Variants in NAA11 observed in about 807,000 individuals in gnomAD.
NAA11 encodes N-alpha-acetyltransferase 11.
NAA11 carries 15 observed loss-of-function variants against 16.1 expected under a neutral mutation model. That is an observed-to-expected ratio of 0.93 (90% CI 0.62 to 1.44). NAA11 has a LOEUF of 1.44. NAA11 is among the 40% of genes most tolerant of loss of function. The probability of loss-of-function intolerance (pLI) is 0.00; values close to 1 mark genes in which losing one functional copy is unlikely to be tolerated. For synonymous variants in NAA11, 122 were observed against 112.4 expected (o/e 1.09, Z -0.54); for missense variants, 298 against 291.3 (o/e 1.02, Z -0.17).
chr4:79,288,401 A>C (rs1722999234), intron 2 of NAA11, among the ~76,000 whole-genome samples: 1 of 152,236 alleles, frequency 6.6e-6, no homozygotes, highest in Non-Finnish European at 1.5e-5. Context: ...GGTCAGCAGC[A>C]TTTGAAGACT....
downstream of NAA11, among the ~76,000 whole-genome samples, chr4:79,315,588 G>A (rs934954179): frequency 6.6e-6 from 1 of 152,056 alleles, no homozygotes; most frequent in Non-Finnish European, 1.5e-5. Context: ...GCTAGTATAA[G>A]GGTATTCACA....
At chr4:79,318,207 A>C (rs961913090) in intron 1 of NAA11, among the ~76,000 whole-genome samples, 3 of 152,210 alleles carry the variant, frequency 2.0e-5, no homozygotes, top group African/African-American at 7.2e-5. Context: ...TTCTAAAGAA[A>C]TGAAAGGCCT....
intron 2 of NAA11, among the ~76,000 whole-genome samples, chr4:79,234,016 A>G (rs1334700171): frequency 6.6e-6 from 1 of 152,110 alleles, no homozygotes; most frequent in Non-Finnish European, 1.5e-5. Context: ...AAACCAGTGC[A>G]GAAGAACACA....
intron 2 of NAA11, among the ~76,000 whole-genome samples, chr4:79,255,908 G>T (rs1342230600): frequency 6.6e-6 from 1 of 152,212 alleles, no homozygotes; most frequent in African/African-American, 2.4e-5. Flanking sequence ...TTCCAGGGAA[G>T]GGTAGTAACT....
At chr4:79,201,490 G>A in the NAA11 span, among the ~76,000 whole-genome samples, 4 of 151,528 alleles carry the variant, frequency 2.6e-5, no homozygotes, top group Non-Finnish European at 4.4e-5. Context: ...TTATGAATCC[G>A]ATCTTTGCCA....
At chr4:79,165,361 A>G in the NAA11 span, among the ~76,000 whole-genome samples, 19 of 152,156 alleles carry the variant, frequency 1.2e-4, no homozygotes, top group East Asian at 2.7e-3. Flanking sequence ...CATCCCCTCC[A>G]CTCTAAACTG....
intron 2 of NAA11, among the ~76,000 whole-genome samples, chr4:79,244,399 A>G (rs974649786): frequency 6.6e-6 from 1 of 152,156 alleles, no homozygotes; most frequent in African/African-American, 2.4e-5. Context: ...TTTTTCATTT[A>G]GTACTTTGCC....
intron 1 of NAA11, among the ~76,000 whole-genome samples, chr4:79,303,079 T>TAC (rs1190941429): frequency 3.9e-3 from 52 of 13,356 alleles, no homozygotes; most frequent in South Asian, 0.012. Context: ...AGGCCTTTTA[T>TAC]ATATATATAT....
chr4:79,312,227 T>C (rs1299941150), downstream of NAA11, among the ~76,000 whole-genome samples: 1 of 152,252 alleles, frequency 6.6e-6, no homozygotes, highest in African/African-American at 2.4e-5. Flanking sequence ...ACTTTTAATT[T>C]GTGTACCAGC....
the NAA11 span, among the ~76,000 whole-genome samples, chr4:79,218,239 C>G: frequency 1.3e-5 from 2 of 152,004 alleles, no homozygotes; most frequent in Non-Finnish European, 2.9e-5. Flanking sequence ...AATTTGTAAT[C>G]AAAATTAACA....
intron 1 of NAA11, among the ~76,000 whole-genome samples, chr4:79,294,762 G>C (rs1031414808): frequency 9.9e-5 from 15 of 152,050 alleles, no homozygotes; most frequent in African/African-American, 3.6e-4. Context: ...TCTGAAAGTA[G>C]ACATGATGCT....
At chr4:79,235,226 C>G (rs913570052) in intron 2 of NAA11, among the ~76,000 whole-genome samples, 3 of 152,004 alleles carry the variant, frequency 2.0e-5, no homozygotes, top group African/African-American at 7.2e-5. Context: ...GACATAAGCC[C>G]TAGAGTTGAG....
At chr4:79,305,596 T>C (rs1210245552) in intron 1 of NAA11, among the ~76,000 whole-genome samples, 1 of 152,200 alleles carries the variant, frequency 6.6e-6, no homozygotes, top group Non-Finnish European at 1.5e-5. Context: ...TTTTTTTACT[T>C]CCTGCTCTCA....
intron 2 of NAA11, among the ~76,000 whole-genome samples, chr4:79,266,531 T>A (rs766475597): frequency 3.3e-5 from 5 of 152,210 alleles, no homozygotes; most frequent in Non-Finnish European, 7.3e-5. Context: ...GGGCCCCTGC[T>A]CTCTTACAGT....
chr4:79,181,308 C>T, the NAA11 span, among the ~76,000 whole-genome samples: 1 of 151,754 alleles, frequency 6.6e-6, no homozygotes, highest in Admixed American at 6.6e-5. Flanking sequence ...AAAGATGAAG[C>T]AGCTAGGGAG....
chr4:79,254,538 T>G (rs1218172052), intron 2 of NAA11, among the ~76,000 whole-genome samples: 1 of 152,150 alleles, frequency 6.6e-6, no homozygotes, highest in Non-Finnish European at 1.5e-5. Flanking sequence ...GTATAGAGTC[T>G]GAAATACATT....
chr4:79,247,576 G>A (rs1388174733), intron 2 of NAA11, among the ~76,000 whole-genome samples: 1 of 152,116 alleles, frequency 6.6e-6, no homozygotes, highest in East Asian at 1.9e-4. Context: ...AATACAGCCA[G>A]GAGGAACATC....
intron 2 of NAA11, among the ~76,000 whole-genome samples, chr4:79,234,871 G>T (rs6832917): frequency 0.83 from 126,511 of 152,068 alleles, 53,829 homozygotes; most frequent in Non-Finnish European, 0.92. Flanking sequence ...GTTTATGACT[G>T]AATTCTAGTA....
intron 2 of NAA11, among the ~76,000 whole-genome samples, chr4:79,284,006 A>G (rs1441038314): frequency 1.3e-5 from 2 of 152,022 alleles, no homozygotes; most frequent in Non-Finnish European, 2.9e-5. Context: ...GAAGTGATTG[A>G]GGAACTTGGA....
Sources: allele counts gnomAD v4.1 joint callset (sites outside exome capture counted in the v4.1 genomes callset), GRCh38; gene constraint gnomAD v4.1.1; transcripts MANE v1.5; gene names NCBI Gene and HGNC (gene_info 2026-07-23, HGNC 2026-07-21).